The following CNTNAP3 variants were observed in gnomAD, a reference collection of about 807,000 sequenced individuals.
CNTNAP3 encodes contactin-associated protein-like 3.
In CNTNAP3, 36 loss-of-function variants were observed where a neutral mutation model predicts 92.1. The observed-to-expected ratio is 0.39, with a 90% CI of 0.30 to 0.52. The LOEUF (loss-of-function observed/expected upper bound fraction) is 0.52, where lower values mean the gene tolerates loss of function less well. Among genes scored for constraint, CNTNAP3 ranks in the 20% least tolerant of loss-of-function variants. The pLI is 0.76. For synonymous variants in CNTNAP3, 232 were observed against 422.3 expected (o/e 0.55, Z 5.53); for missense variants, 534 against 1,069.6 (o/e 0.50, Z 6.98).
chr9:39,117,868 T>C (rs1820896386), intron 14 of CNTNAP3: 1 of 889,444 alleles, frequency 1.1e-6, no homozygotes, highest in South Asian at 2.0e-5. Flanking sequence ...CAGCTGTTTC[T>C]CTTTTACGAA....
In CNTNAP3 at chr9:39,133,138, G is replaced by A. The variant is rs764517924; in HGVS notation, c.1877-3C>T. On this transcript the variant is annotated splice_polypyrimidine_tract_variant and splice_region_variant and intron_variant, in intron 12 of 23. Transcript: ENST00000297668. ...CACCACCGTCCACGCGGCGTCTGCT[G>A]AGCAGAAACGGGCAAAGGAGAGGCA... is the stretch of plus-strand genomic sequence containing the variant. 5.7e-6 allele frequency: 9 copies of A among 1,571,390 alleles called. No individual in the cohort carries two copies. The highest frequency in any genetic ancestry group is 7.7e-6 in the Non-Finnish European group (9 of 1,163,956).
intron 21 of CNTNAP3, among the ~76,000 whole-genome samples, chr9:39,081,219 ATTGT>A (rs1375586888): frequency 6.6e-6 from 1 of 150,748 alleles, no homozygotes; most frequent in Non-Finnish European, 1.5e-5. Flanking sequence ...ACTACTATTT[ATTGT>A]TTATCAGTTA....
Position 39,068,823 on chromosome 9 carries a change from T to C in CNTNAP3, c.*5067A>G, listed in dbSNP as rs1261710880. On this transcript the variant is annotated 3_prime_UTR_variant, in exon 24 of 24. Transcript: ENST00000297668. ...TAAGCTGGGATACTCACAGCACACA[T>C]CTTATGTTTCCTGTCTTTCAGGGAT... Among the ~76,000 whole-genome samples the C allele has an allele frequency of 2.0e-5, 3 of 152,312 alleles. No individual in the cohort carries two copies. The highest frequency in any genetic ancestry group is 2.9e-5 in the Non-Finnish European group (2 of 68,058).
chr9:39,079,486 G>A (rs2118388390), intron 21 of CNTNAP3, among the ~76,000 whole-genome samples: 1 of 151,712 alleles, frequency 6.6e-6, no homozygotes, highest in East Asian at 1.9e-4. Context: ...TGAAAGTAGT[G>A]CTGCATTTCT....
intron 14 of CNTNAP3, among the ~76,000 whole-genome samples, chr9:39,112,270 T>G (rs1826765722): frequency 6.6e-6 from 1 of 152,098 alleles, no homozygotes; most frequent in African/African-American, 2.4e-5. Context: ...TACTACTTAT[T>G]ATTTGCCAGG....
chr9:39,125,088 G>A (rs971459847), intron 13 of CNTNAP3, among the ~76,000 whole-genome samples: 1 of 151,984 alleles, frequency 6.6e-6, no homozygotes, highest in African/African-American at 2.4e-5. Flanking sequence ...ATTCACAATA[G>A]CAAAGACTTG....
chr9:39,123,710 T>C (rs1201033449), intron 13 of CNTNAP3, among the ~76,000 whole-genome samples: 2 of 152,052 alleles, frequency 1.3e-5, no homozygotes, highest in Middle Eastern at 3.2e-3. Flanking sequence ...CTTACCTACA[T>C]AGGAGCAAGA....
At chr9:39,108,674 C>T (rs1009991654) in intron 15 of CNTNAP3, among the ~76,000 whole-genome samples, 8 of 152,024 alleles carry the variant, frequency 5.3e-5, no homozygotes, top group Admixed American at 1.3e-4. Flanking sequence ...GGTGGAGGAG[C>T]GAGGACTTGA....
chr9:39,136,413 C>A (rs28576924), intron 12 of CNTNAP3, among the ~76,000 whole-genome samples: 27,702 of 151,824 alleles, frequency 0.18, 3,790 homozygotes, highest in African/African-American at 0.38. Context: ...GAGAACTGAC[C>A]CTTTCATTTG....
intron 13 of CNTNAP3, among the ~76,000 whole-genome samples, chr9:39,130,140 G>T (rs1283128271): frequency 6.6e-6 from 1 of 152,076 alleles, no homozygotes; most frequent in Admixed American, 6.6e-5. Context: ...GCACTTTGGG[G>T]CATTAATTCC....
chr9:39,144,005 C>T (rs1016251598), intron 11 of CNTNAP3, among the ~76,000 whole-genome samples: 4 of 152,128 alleles, frequency 2.6e-5, no homozygotes, highest in Admixed American at 2.6e-4. Flanking sequence ...AGACTTATTT[C>T]CCCATTGCTT....
At position 39,065,303 on chromosome 9, in the gene CNTNAP3, CAGT is replaced by C. The variant is rs1275950641; in HGVS notation, c.*8584_*8586del. Among the ~76,000 whole-genome samples the C allele has an allele frequency of 1.3e-5, 2 of 152,292 alleles. No individual in the cohort carries two copies. The highest frequency in any genetic ancestry group is 2.4e-5 in the African/African-American group (1 of 41,484). ...ATTCAGCCATGTTTGTTGCAGTTAC[CAGT>C]AGTTTTGTCCATTTTATAGCTGAAG... On this transcript the variant is annotated 3_prime_UTR_variant, in exon 24 of 24. Transcript: ENST00000297668.
intron 23 of CNTNAP3, among the ~76,000 whole-genome samples, chr9:39,077,618 C>T (rs1434181851): frequency 6.6e-6 from 1 of 151,334 alleles, no homozygotes; most frequent in East Asian, 1.9e-4. Flanking sequence ...AAGTGAAACA[C>T]TGTCATGGGA....
chr9:39,170,471 A>G (rs748661977), intron 8 of CNTNAP3, among the ~76,000 whole-genome samples: 9 of 105,270 alleles, frequency 8.5e-5, no homozygotes, highest in Non-Finnish European at 1.5e-4. Flanking sequence ...ATTTAGGCAC[A>G]ATGTCAATTT....
At chr9:39,207,561 A>AC (rs550543194) in intron 3 of CNTNAP3, among the ~76,000 whole-genome samples, 2,531 of 20,978 alleles carry the variant, frequency 0.12, 1,099 homozygotes, top group African/African-American at 0.23. Flanking sequence ...GGGTATATAC[A>AC]CCCCCCCAAT....
chr9:39,133,398 A>T (rs1821352267), intron 12 of CNTNAP3, among the ~76,000 whole-genome samples: 1 of 152,078 alleles, frequency 6.6e-6, no homozygotes, highest in African/African-American at 2.4e-5. Context: ...ATGACTTTTT[A>T]GTTGTTAAAA....
intron 13 of CNTNAP3, among the ~76,000 whole-genome samples, chr9:39,124,225 T>C (rs1338950035): frequency 1.3e-5 from 2 of 152,146 alleles, no homozygotes; most frequent in African/African-American, 2.4e-5. Flanking sequence ...TGAAAGTAGA[T>C]TGTTATAGTG....
chr9:39,118,940 A>C (rs1820935243), intron 13 of CNTNAP3, among the ~76,000 whole-genome samples: 1 of 152,172 alleles, frequency 6.6e-6, no homozygotes, highest in Admixed American at 6.5e-5. Context: ...ATAGAGTCAG[A>C]CACTAACTCA....
At chr9:39,081,807 G>A (rs867395109) in intron 21 of CNTNAP3, among the ~76,000 whole-genome samples, 2 of 151,474 alleles carry the variant, frequency 1.3e-5, no homozygotes, top group African/African-American at 2.4e-5. Context: ...GGCCAGGCAC[G>A]GTGGCTCATG....
Sources: allele counts gnomAD v4.1 joint callset (sites outside exome capture counted in the v4.1 genomes callset), GRCh38; gene constraint gnomAD v4.1.1; transcripts MANE v1.5; gene names NCBI Gene and HGNC (gene_info 2026-07-23, HGNC 2026-07-21).